Variants in GRAMD1A observed in about 807,000 individuals in gnomAD.
GRAMD1A encodes the protein protein Aster-A.
GRAMD1A carries 50 observed loss-of-function variants against 92.0 expected under a neutral mutation model. The ratio of observed to expected loss-of-function variants is 0.54; its 90% CI spans 0.43 to 0.69. The LOEUF (loss-of-function observed/expected upper bound fraction) is 0.69. GRAMD1A is among the 30% of genes least tolerant of loss of function. The probability of loss-of-function intolerance (pLI) is 0.00; values close to 1 mark genes in which losing one functional copy is unlikely to be tolerated. For synonymous variants in GRAMD1A, 405 were observed against 403.6 expected, an observed-to-expected ratio of 1.00 and a Z score of -0.04; for missense variants, 819 against 978.9, an observed-to-expected ratio of 0.84 and a Z score of 2.18.
chr19:35,020,276 C>T (rs566075093), intron 13 of GRAMD1A, among the ~76,000 whole-genome samples: 3 of 152,280 alleles, frequency 2.0e-5, no homozygotes, highest in African/African-American at 7.2e-5. Flanking sequence ...CAGTGGCTTA[C>T]GCCTGTAATC....
In GRAMD1A at chr19:35,023,491, G is replaced by A. The variant is rs1048541704; in HGVS notation, c.2026G>A (p.Val676Met). ...ILALQKQFHSVEVHKWRQILR... is the reference protein window; with the variant it reads ...ILALQKQFHSMEVHKWRQILR... ...GGCGCTGCAGAAGCAATTCCACAGC[G>A]TGGAGGTGCACAAGTGGAGGCAGAT... Residue 676 changes from valine (V) to methionine (M), a missense_variant, in exon 19 of 20, where the codon GTG becomes ATG. Physicochemically the swap from Val to Met is conservative, Grantham distance 21. Around this residue, in one of 3 missense-constraint regions of GRAMD1A, gnomAD observed 577 missense variants for 674.6 expected, o/e 0.86. Coordinates refer to ENST00000317991, the MANE Select transcript of GRAMD1A (RefSeq NM_020895.5). 6 of 1,586,848 alleles carry A rather than the reference G, an allele frequency of 3.8e-6. 1 individual carries two copies. The highest frequency in any genetic ancestry group is 3.4e-5 in the South Asian group (3 of 88,666).
chr19:35,012,091 A>G lies in GRAMD1A; in HGVS notation c.606+537A>G, dbSNP rs371235300. Among the ~76,000 whole-genome samples the G allele has an allele frequency of 3.5e-3, 527 of 152,334 alleles. 29 individuals carry two copies. In the South Asian group the frequency reaches 0.09, roughly 26 times the overall value. The stretch of plus-strand genomic sequence containing the variant: ...CCCCTGGGGCAAGTGATTGAACCCC[A>G]TCTGTCAAATGGGGGCCATCCCCAC... On this transcript the variant is annotated intron_variant, in intron 7 of 19. Coordinates refer to ENST00000317991, the MANE Select transcript of GRAMD1A (RefSeq NM_020895.5).
At position 35,014,187 on chromosome 19, in the gene GRAMD1A, A is replaced by G; in HGVS notation, c.871-2A>G. The G allele has an allele frequency of 1.2e-6, 2 of 1,612,508 alleles. No individual in the cohort carries two copies. The highest frequency in any genetic ancestry group is 2.2e-5 in the South Asian group (2 of 91,020). On this transcript the variant is annotated splice_acceptor_variant, in intron 9 of 19. Coordinates refer to ENST00000317991, the MANE Select transcript of GRAMD1A (RefSeq NM_020895.5). LOFTEE classifies it high-confidence loss of function. Reference sequence around the variant, plus strand: ...AAGGCTGCATCGGGCCTTTCTCCACAGGCAGAGGAGGACAAGGAGGAGCAG... The same window carrying G: ...AAGGCTGCATCGGGCCTTTCTCCACGGGCAGAGGAGGACAAGGAGGAGCAG...
Position 35,009,332 on chromosome 19 carries a change from T to A in GRAMD1A, c.219+3T>A. ...GGAACTTCATCCGCAACAGCAAGGT[T>A]GGTGCAAGCCCAGGTGGGGTGGGGA... On this transcript the variant is annotated splice_donor_region_variant and intron_variant, in intron 2 of 19. Coordinates refer to ENST00000317991, the MANE Select transcript of GRAMD1A (RefSeq NM_020895.5). 1 of 1,613,860 alleles carries A rather than the reference T, an allele frequency of 6.2e-7. No individual in the cohort carries two copies. The highest frequency in any genetic ancestry group is 8.5e-7 in the Non-Finnish European group (1 of 1,179,802).
chr19:34,995,570 G>GTT (rs1173583059), upstream of GRAMD1A, among the ~76,000 whole-genome samples: 14 of 80,980 alleles, frequency 1.7e-4, 3 homozygotes, highest in African/African-American at 5.3e-4. Flanking sequence ...TCAGATCACG[G>GTT]GTTTTTTTTT....
chr19:35,016,298 G>A (rs562016535), intron 11 of GRAMD1A, among the ~76,000 whole-genome samples: 20 of 142,668 alleles, frequency 1.4e-4, no homozygotes, highest in Middle Eastern at 3.6e-3. Context: ...ATAAATACAA[G>A]TTAAGAGGCT....
At chr19:35,006,910 G>C (rs1339390077) in intron 1 of GRAMD1A, among the ~76,000 whole-genome samples, 1 of 152,230 alleles carries the variant, frequency 6.6e-6, no homozygotes, top group Admixed American at 6.5e-5. Context: ...AGGGGACAGA[G>C]CTGGTGATGC....
intron 1 of GRAMD1A, among the ~76,000 whole-genome samples, chr19:35,003,339 G>T (rs2014552769): frequency 6.6e-6 from 1 of 152,136 alleles, no homozygotes; most frequent in African/African-American, 2.4e-5. Flanking sequence ...GTCCACTGGG[G>T]CCTAGGAAGT....
At chr19:35,011,446 C>T in intron 6 of GRAMD1A, 28 bp from the exon 7 acceptor site, 1 of 1,544,614 alleles carries the variant, frequency 6.5e-7, no homozygotes. Flanking sequence ...AACCTGCTCA[C>T]ACCTCTCTCT....
intron 19 of GRAMD1A, chr19:35,024,786 G>A (rs948839616): frequency 2.6e-5 from 4 of 152,308 alleles, no homozygotes; most frequent in African/African-American, 9.6e-5. Flanking sequence ...CCCATCCTGC[G>A]TTATTTTATT....
chr19:35,000,826 G>A lies in GRAMD1A; in HGVS notation c.8+340G>A, dbSNP rs574966705. ...TGGCAACCCCCTGCCTGGTAAGCCA[G>A]GGGTGAGCGCGAGGCCGAACTGGGG... On this transcript the variant is annotated intron_variant, in intron 1 of 19. Coordinates refer to ENST00000317991, the MANE Select transcript of GRAMD1A (RefSeq NM_020895.5). This position sits in a 1 kb window ranked among gnomAD's most constrained non-coding sequence, Gnocchi z 4.9. Among the ~76,000 whole-genome samples the A allele has an allele frequency of 6.6e-6, 1 of 152,252 alleles. No homozygotes were observed. The highest frequency in any genetic ancestry group is 1.9e-4 in the East Asian group (1 of 5,156).
In GRAMD1A at chr19:35,019,220, A is replaced by G; in HGVS notation, c.1243A>G (p.Ser415Gly). The G allele has an allele frequency of 6.2e-7, 1 of 1,613,096 alleles. No individual in the cohort carries two copies. Among genetic ancestry groups the G allele is most frequent in the South Asian group, 1.1e-5 (1 of 90,998 alleles). Residue 415 changes from serine (S) to glycine (G), a missense_variant, in exon 12 of 20, where the codon AGC (serine) becomes GGC (glycine). By Grantham distance (56) the Ser-to-Gly change is moderately conservative (BLOSUM62 0). Transcript: ENST00000317991. ...GACGCTGAGCCCCTGGAGTGGGGAC[A>G]GCAAGTGCCACCAGCGCCGGGTGCT... ...DVTLSPWSGD[S>G]KCHQRRVLTY...
chr19:34,997,648 A>G (rs1483877591), upstream of GRAMD1A, among the ~76,000 whole-genome samples: 1 of 152,176 alleles, frequency 6.6e-6, no homozygotes, highest in Non-Finnish European at 1.5e-5. Flanking sequence ...CGCAGAAACA[A>G]TGATAATGGG....
intron 5 of GRAMD1A, 25 bp from the exon 6 acceptor site, chr19:35,010,259 C>G: frequency 6.3e-7 from 1 of 1,598,906 alleles, no homozygotes; most frequent in Non-Finnish European, 8.6e-7. Context: ...CACCCCGCTC[C>G]TATTGACCCT....
chr19:35,006,334 A>G (rs1358144809), intron 1 of GRAMD1A, among the ~76,000 whole-genome samples: 1 of 152,174 alleles, frequency 6.6e-6, no homozygotes, highest in Non-Finnish European at 1.5e-5. Context: ...AAAAATAAAG[A>G]AAAAAGAAAG....
At chr19:35,002,072 CTG>C (rs1568314947) in intron 1 of GRAMD1A, among the ~76,000 whole-genome samples, 1 of 152,082 alleles carries the variant, frequency 6.6e-6, no homozygotes, top group Non-Finnish European at 1.5e-5. Flanking sequence ...CTAGGCCTCT[CTG>C]TGTACAGCTG....
intron 10 of GRAMD1A, chr19:35,014,737 T>C (rs1426573635): frequency 3.2e-6 from 1 of 310,390 alleles, no homozygotes; most frequent in East Asian, 7.5e-5. Flanking sequence ...TAAGAGACTA[T>C]AAATGAGGCT....
chr19:35,002,409 CTCTT>C (rs1377387345), intron 1 of GRAMD1A: 3 of 152,110 alleles, frequency 2.0e-5, no homozygotes, highest in Non-Finnish European at 4.4e-5. Flanking sequence ...TTTCCTTTTT[CTCTT>C]TCTTTTAGAC....
At chr19:35,011,824 G>A (rs1043897080) in intron 7 of GRAMD1A, among the ~76,000 whole-genome samples, 1 of 152,240 alleles carries the variant, frequency 6.6e-6, no homozygotes, top group Non-Finnish European at 1.5e-5. Flanking sequence ...CTGGCAGCGG[G>A]GGAGTGTGGA....
Sources: gnomAD v4.1 joint callset for allele counts (sites outside exome capture counted in the v4.1 genomes callset) on GRCh38, gnomAD v4.1.1 for gene constraint, gnomAD v4.1.1 regional missense constraint, Gnocchi (gnomAD v3.1) non-coding constraint, MANE v1.5 for transcripts, NCBI Gene and HGNC (gene_info 2026-07-23, HGNC 2026-07-21) for gene names.